Variants in SUGCT observed in about 807,000 individuals in gnomAD.
The protein encoded by SUGCT is succinyl-CoA:glutarate CoA-transferase.
Under a neutral mutation model 55.0 loss-of-function variants are expected in SUGCT, and 41 were observed. That is an observed-to-expected ratio of 0.74 (90% CI 0.58 to 0.97). The LOEUF (loss-of-function observed/expected upper bound fraction) is 0.97. SUGCT is among the 50% of genes least tolerant of loss of function. The pLI is 0.00. For missense variants in SUGCT, 568 were observed against 547.8 expected (o/e 1.04, Z -0.37); for synonymous variants, 187 against 200.4 (o/e 0.93, Z 0.56).
intron 13 of SUGCT, among the ~76,000 whole-genome samples, chr7:40,768,287 A>C (rs1788907298): frequency 6.6e-6 from 1 of 152,110 alleles, no homozygotes; most frequent in Non-Finnish European, 1.5e-5. Context: ...GTGGCTGCTC[A>C]AGGAGGGTTC....
chr7:40,400,128 GT>G (rs1018542154), intron 9 of SUGCT, among the ~76,000 whole-genome samples: 7 of 151,284 alleles, frequency 4.6e-5, no homozygotes, highest in Non-Finnish European at 8.8e-5. Flanking sequence ...AGTTTGCTAA[GT>G]TTTTTTTTCT....
chr7:40,772,309 G>T (rs1163587395), intron 13 of SUGCT, among the ~76,000 whole-genome samples: 1 of 152,016 alleles, frequency 6.6e-6, no homozygotes, highest in Non-Finnish European at 1.5e-5. Flanking sequence ...TCAAGTTCCT[G>T]TGGTTACAGA....
chr7:40,971,760 C>T, the SUGCT span, among the ~76,000 whole-genome samples: 1 of 152,108 alleles, frequency 6.6e-6, no homozygotes, highest in African/African-American at 2.4e-5. Flanking sequence ...TGTGGGTTGT[C>T]GTCAGTACCA....
chr7:40,282,332 G>A (rs145576169), intron 8 of SUGCT, among the ~76,000 whole-genome samples: 2,514 of 152,110 alleles, frequency 0.017, 59 homozygotes, highest in African/African-American at 0.058. Context: ...GCCGGGCATG[G>A]TGGCATGCAC....
chr7:40,452,915 A>T (rs1190106430), intron 10 of SUGCT, among the ~76,000 whole-genome samples: 2 of 152,188 alleles, frequency 1.3e-5, no homozygotes, highest in Non-Finnish European at 2.9e-5. Flanking sequence ...AGTAAATAGT[A>T]AGAGATTTAG....
chr7:40,615,077 G>GAAAA (rs1798935619), intron 12 of SUGCT, among the ~76,000 whole-genome samples: 2 of 149,356 alleles, frequency 1.3e-5, no homozygotes, highest in Non-Finnish European at 3.0e-5. Context: ...AAAAAAGAAA[G>GAAAA]AAAAAAAGAA....
At chr7:40,607,919 TAC>T (rs1798602671) in intron 12 of SUGCT, among the ~76,000 whole-genome samples, 1 of 152,244 alleles carries the variant, frequency 6.6e-6, no homozygotes, top group Non-Finnish European at 1.5e-5. Context: ...CATTCTTAAC[TAC>T]CATAGCCCTG....
At chr7:40,271,372 C>A (rs1441181599) in intron 7 of SUGCT, among the ~76,000 whole-genome samples, 1 of 152,030 alleles carries the variant, frequency 6.6e-6, no homozygotes, top group Non-Finnish European at 1.5e-5. Context: ...CTTAAGTGGC[C>A]CTCCCTTCAG....
At chr7:40,415,019 T>C (rs1786894640) in intron 9 of SUGCT, among the ~76,000 whole-genome samples, 1 of 136,334 alleles carries the variant, frequency 7.3e-6, no homozygotes, top group African/African-American at 2.8e-5. Flanking sequence ...CACTCCAACC[T>C]GGGTGACAGA....
Position 40,461,520 on chromosome 7 carries a change from A to G in SUGCT, c.986+2322A>G, listed in dbSNP as rs188604728. Among the ~76,000 whole-genome samples, 27 of 152,312 alleles carry G rather than the reference A, an allele frequency of 1.8e-4. 1 individual carries two copies. The East Asian group carries it at 5.0e-3, about 28-fold the overall frequency. ...TGAAACTTAGTCATGCTTCAAGGCCAGTTCTAGAAGCCTCTGTTCCCAGTA... is the reference window on the plus strand; with the variant it reads ...TGAAACTTAGTCATGCTTCAAGGCCGGTTCTAGAAGCCTCTGTTCCCAGTA... On this transcript the variant is annotated intron_variant, in intron 11 of 13. Transcript: ENST00000335693.
chr7:40,619,791 C>T (rs1407312831), intron 12 of SUGCT, among the ~76,000 whole-genome samples: 2 of 152,094 alleles, frequency 1.3e-5, no homozygotes, highest in African/African-American at 4.8e-5. Context: ...TATATCAGCC[C>T]CATGTTAAAA....
chr7:40,158,908 G>A (rs1028592553), intron 1 of SUGCT, among the ~76,000 whole-genome samples: 3 of 152,112 alleles, frequency 2.0e-5, no homozygotes, highest in Admixed American at 2.0e-4. Context: ...GAAAAATAGA[G>A]ATCTCTTTTT....
the SUGCT span, among the ~76,000 whole-genome samples, chr7:41,004,432 G>T: frequency 2.0e-5 from 3 of 152,264 alleles, no homozygotes; most frequent in South Asian, 6.2e-4. Context: ...AAGCAGGGTG[G>T]GCAGAAGAAA....
chr7:40,699,655 G>A lies in SUGCT; in HGVS notation c.1090-49779G>A, dbSNP rs566323373. Among the ~76,000 whole-genome samples the A allele has an allele frequency of 3.3e-5, 5 of 152,278 alleles. No individual in the cohort carries two copies. In the South Asian group the frequency reaches 1.0e-3, roughly 32 times the overall value. ...AGGCTGAGGTGGGCGGATCGCTTGA[G>A]GCCAGGAGTTCAAGACCAGCCTGGT... On this transcript the variant is annotated intron_variant, in intron 12 of 13. Transcript: ENST00000335693.
the SUGCT span, among the ~76,000 whole-genome samples, chr7:40,961,559 A>G: frequency 6.6e-6 from 1 of 152,234 alleles, no homozygotes; most frequent in African/African-American, 2.4e-5. Context: ...CATTTGCTTC[A>G]AAAGCAATTA....
At chr7:41,012,258 C>T in the SUGCT span, among the ~76,000 whole-genome samples, 3,714 of 152,186 alleles carry the variant, frequency 0.024, 163 homozygotes, top group African/African-American at 0.086. Context: ...AGCTCACGCT[C>T]GCCTGTGCTT....
At chr7:40,515,682 G>C (rs1004924481) in intron 12 of SUGCT, among the ~76,000 whole-genome samples, 26 of 152,138 alleles carry the variant, frequency 1.7e-4, no homozygotes, top group African/African-American at 6.3e-4. Flanking sequence ...ATATTCTGTT[G>C]TGTGGGTATA....
intron 7 of SUGCT, among the ~76,000 whole-genome samples, chr7:40,242,238 A>G (rs1440274988): frequency 2.0e-5 from 3 of 151,802 alleles, no homozygotes; most frequent in Non-Finnish European, 4.4e-5. Context: ...CAGTGGCACA[A>G]TCTCGGCTCA....
intron 12 of SUGCT, among the ~76,000 whole-genome samples, chr7:40,724,383 G>A (rs1179102492): frequency 2.0e-5 from 3 of 151,222 alleles, no homozygotes; most frequent in Admixed American, 6.6e-5. Flanking sequence ...GGCTAACGTG[G>A]TGAAACCCCT....
Sources: gnomAD v4.1 joint callset for allele counts (sites outside exome capture counted in the v4.1 genomes callset) on GRCh38, gnomAD v4.1.1 for gene constraint, MANE v1.5 for transcripts, NCBI Gene and HGNC (gene_info 2026-07-23, HGNC 2026-07-21) for gene names.